The following NPHS1 variants were observed in gnomAD, a reference collection of about 807,000 sequenced individuals.
NPHS1 encodes nephrin.
A neutral mutation model predicts 139.7 loss-of-function variants in NPHS1; 107 were observed. That is an observed-to-expected ratio of 0.77 (90% CI 0.66 to 0.90). The LOEUF is 0.90. Ranked by LOEUF, NPHS1 falls within the 40% of genes least tolerant of loss-of-function variation. The probability of loss-of-function intolerance (pLI) is 0.00; values close to 1 mark genes in which losing one functional copy is unlikely to be tolerated. For missense variants in NPHS1, 1,580 were observed against 1,654.2 expected (o/e 0.96, Z 0.78); for synonymous variants, 707 against 706.6 (o/e 1.00, Z -0.01).
intron 1 of NPHS1, 36 bp downstream of exon 1, chr19:35,851,744 A>C (rs1198685363): frequency 6.4e-7 from 1 of 1,558,034 alleles, no homozygotes; most frequent in African/African-American, 1.4e-5. Context: ...AATGGGGGCC[A>C]CTTGGCGCTG....
rs1203179540 is a variant in NPHS1 at position 35,826,443 on chromosome 19, C to T, written c.*71G>A. On this transcript the variant is annotated 3_prime_UTR_variant, in exon 29 of 29. Transcript: ENST00000378910. The stretch of plus-strand genomic sequence containing the variant: ...TGGAGCTCACCTAACCAGCTCGGCC[C>T]AGGCTGTAATGAGAGAGACCAGTGG... 6.3e-7 allele frequency: 1 copy of T among 1,594,672 alleles called. No individual in the cohort carries two copies. The highest frequency in any genetic ancestry group is 1.3e-5 in the African/African-American group (1 of 74,482).
intron 28 of NPHS1, among the ~76,000 whole-genome samples, chr19:35,826,946 G>C (rs1210737904): frequency 6.6e-6 from 1 of 151,944 alleles, no homozygotes; most frequent in Admixed American, 6.6e-5. Flanking sequence ...GACCAGCCTG[G>C]GCAACATAGT....
In NPHS1 at chr19:35,846,072, G is replaced by T. The variant is rs752970477; in HGVS notation, c.1563C>A (p.Asp521Glu). ...RELVLVTGPS[D>E]NQAKFTCKAG... Reference sequence around the variant, plus strand: ...CCTTGCACGTGAACTTGGCCTGGTTGTCCGACGGCCCTGTGACCAGCACCA... The same window carrying T: ...CCTTGCACGTGAACTTGGCCTGGTTTTCCGACGGCCCTGTGACCAGCACCA... Residue 521 changes from aspartate (D) to glutamate (E), a missense_variant, in exon 12 of 29, where the codon GAC becomes GAA. Transcript: ENST00000378910. 11 of 1,595,646 alleles carry T rather than the reference G, an allele frequency of 6.9e-6. No homozygotes were observed. The highest frequency in any genetic ancestry group is 9.4e-6 in the Non-Finnish European group (11 of 1,171,508).
chr19:35,826,692 G>A, intron 28 of NPHS1, 47 bp from the exon 29 acceptor site: 1 of 1,610,336 alleles, frequency 6.2e-7, no homozygotes, highest in Non-Finnish European at 8.5e-7. Context: ...ATGCCCTGTA[G>A]GTCTTCATTG....
In NPHS1 at chr19:35,847,054, C is replaced by CT. The variant is rs796443472; in HGVS notation, c.1441-861dup. Among the ~76,000 whole-genome samples, 363 of 150,844 alleles carry CT rather than the reference C, an allele frequency of 2.4e-3. 1 individual carries two copies. The highest frequency in any genetic ancestry group is 7.5e-3 in the African/African-American group (306 of 40,910). On this transcript the variant is annotated intron_variant, in intron 11 of 28. Transcript: ENST00000378910. ...TCCAAATTTTCTTTTCTTTTCTTTT[C>CT]TTTTTTTTTGAGACGGAGTCTCCCT...
chr19:35,837,073 A>AGAAAGAAAGAAAGAAAGAAAG (rs765643414), intron 22 of NPHS1, among the ~76,000 whole-genome samples: 12 of 130,594 alleles, frequency 9.2e-5, no homozygotes, highest in East Asian at 6.8e-4. Flanking sequence ...AAAGAAAGAA[A>AGAAAGAAAGAAAGAAAGAAAG]AATAAACTGA....
intron 23 of NPHS1, among the ~76,000 whole-genome samples, chr19:35,833,183 CG>C (rs1020814386): frequency 1.6e-4 from 24 of 151,988 alleles, no homozygotes; most frequent in Non-Finnish European, 7.4e-5. Flanking sequence ...CGCGAGCCAC[CG>C]TGCCCAGCCT....
Position 35,830,936 on chromosome 19 carries a change from C to A in NPHS1, c.3502G>T (p.Asp1168Tyr). 1 of 1,613,810 alleles carries A rather than the reference C, an allele frequency of 6.2e-7. No individual in the cohort carries two copies. The highest frequency in any genetic ancestry group is 1.1e-5 in the South Asian group (1 of 91,078). Residue 1168 changes from aspartate to tyrosine, a missense_variant, in exon 28 of 29, where the codon GAT becomes TAT. Transcript: ENST00000378910. The part of the protein sequence containing the change: ...YSRGFTGEDE[D>Y]MAFPGHLYDE... Reference sequence around the variant, plus strand: ...TACAAGTGCCCAGGGAAGGCCATATCCTCATCTTCACCTGTGAAACCTGGA... The same window carrying A: ...TACAAGTGCCCAGGGAAGGCCATATACTCATCTTCACCTGTGAAACCTGGA...
chr19:35,846,001 C>T lies in NPHS1; in HGVS notation c.1627+7G>A, dbSNP rs1208794337. ...CGCCCCCGGGCCTCAGCAGTGCGAG[C>T]CCTCACACTGCACCGCCAGCTGCGT... On this transcript the variant is annotated splice_region_variant and intron_variant, in intron 12 of 28. Coordinates refer to ENST00000378910, the MANE Select transcript of NPHS1 (RefSeq NM_004646.4). 1.3e-6 allele frequency: 2 copies of T among 1,569,682 alleles called. No individual in the cohort carries two copies. The highest frequency in any genetic ancestry group is 1.9e-5 in the Admixed American group (1 of 53,554).
Position 35,826,438 on chromosome 19 carries a change from C to G in NPHS1, c.*76G>C. On this transcript the variant is annotated 3_prime_UTR_variant, in exon 29 of 29. Transcript: ENST00000378910. ...TTTTATGGAGCTCACCTAACCAGCT[C>G]GGCCCAGGCTGTAATGAGAGAGACC... The G allele has an allele frequency of 6.3e-7, 1 of 1,580,070 alleles. No homozygotes were observed. Among genetic ancestry groups the G allele is most frequent in the Non-Finnish European group, 8.7e-7 (1 of 1,151,236 alleles).
At chr19:35,848,215 A>G in intron 10 of NPHS1, 38 bp downstream of exon 10, 1 of 1,614,056 alleles carries the variant, frequency 6.2e-7, no homozygotes, top group Non-Finnish European at 8.5e-7. Flanking sequence ...CTGGGTCCTG[A>G]GGCTTGGGGG....
chr19:35,845,905 G>T lies in NPHS1; in HGVS notation c.1627+103C>A, dbSNP rs1039020252. Reference sequence around the variant, plus strand: ...CGCCCAGTCTCGGGTCCCCCACCCCGCCTCCGCCCGCTTTCCCCGGGTCCA... The same window carrying T: ...CGCCCAGTCTCGGGTCCCCCACCCCTCCTCCGCCCGCTTTCCCCGGGTCCA... On this transcript the variant is annotated intron_variant, in intron 12 of 28. Coordinates refer to ENST00000378910, the MANE Select transcript of NPHS1 (RefSeq NM_004646.4). This position sits in a 1 kb window ranked among gnomAD's most constrained non-coding sequence, Gnocchi z 5.5. 5.9e-6 allele frequency: 9 copies of T among 1,519,456 alleles called. No homozygotes were observed. The highest frequency in any genetic ancestry group is 8.0e-6 in the Non-Finnish European group (9 of 1,129,942). The allele number at this position is 1,519,456 out of a possible 1,614,324, so 94.1% of individuals were successfully genotyped here. A position where few individuals can be genotyped will look rare whatever the true frequency, so the allele number is the denominator to read the frequency against.
At chr19:35,847,188 G>T (rs550432464) in intron 11 of NPHS1, among the ~76,000 whole-genome samples, 2 of 151,758 alleles carry the variant, frequency 1.3e-5, no homozygotes, top group Non-Finnish European at 2.9e-5. Flanking sequence ...TGGGACTACA[G>T]GCACCTGCCA....
chr19:35,842,684 T>C (rs889814089), intron 17 of NPHS1, 134 bp from the exon 18 acceptor site: 21 of 848,184 alleles, frequency 2.5e-5, no homozygotes, highest in Non-Finnish European at 3.6e-5. Flanking sequence ...AAAAAAATTC[T>C]CCTGTCATCC....
In NPHS1 at chr19:35,845,695, G is replaced by A. The variant is rs752025751; in HGVS notation, c.1731C>T (p.Asn577=). Residue 577 remains asparagine, a synonymous_variant, in exon 13 of 29, where the codon AAC becomes AAT. Coordinates refer to ENST00000378910, the MANE Select transcript of NPHS1 (RefSeq NM_004646.4). This position sits in a 1 kb window ranked among gnomAD's most constrained non-coding sequence, Gnocchi z 5.5. ...CVSVSSNPPV[N]LSWDKEGERL... is the part of the protein sequence containing the mutation. ...TCTCCCCTTCCTTGTCCCAGGACAA[G>A]TTGACCGGCGGATTGCTGCTGACGC... 7 of 1,613,912 alleles carry A rather than the reference G, an allele frequency of 4.3e-6. No individual in the cohort carries two copies. Among genetic ancestry groups the A allele is most frequent in the Non-Finnish European group, 5.9e-6 (7 of 1,179,936 alleles).
At chr19:35,847,236 G>A (rs899492574) in intron 11 of NPHS1, among the ~76,000 whole-genome samples, 22 of 151,382 alleles carry the variant, frequency 1.5e-4, no homozygotes, top group African/African-American at 4.6e-4. Context: ...TAGTAGAGAC[G>A]GAGTTTCACC....
At chr19:35,830,818 A>G in intron 28 of NPHS1, 26 bp downstream of exon 28, 1 of 1,383,440 alleles carries the variant, frequency 7.2e-7, no homozygotes, top group Non-Finnish European at 1.0e-6. Context: ...GCCAGGAAGG[A>G]TGGTTGCTGA....
At position 35,831,372 on chromosome 19, in the gene NPHS1, C is replaced by T. The variant is rs786204729; in HGVS notation, c.3312-1G>A. On this transcript the variant is annotated splice_acceptor_variant, in intron 25 of 28. Transcript: ENST00000378910. LOFTEE classifies it high-confidence loss of function. ...GTTCCTGACTCGGTCCTCTTCCGAC[C>T]TTCCAGGATGAAGGTGTGGGGGGAA... 1.2e-6 allele frequency: 2 copies of T among 1,614,088 alleles called. No individual in the cohort carries two copies. The highest frequency in any genetic ancestry group is 1.6e-4 in the Middle Eastern group (1 of 6,062).
At chr19:35,848,204 G>A in intron 10 of NPHS1, 39 bp from the exon 11 acceptor site, 1 of 1,614,126 alleles carries the variant, frequency 6.2e-7, no homozygotes. Context: ...TTTTCTCTGT[G>A]CTGGGTCCTG....
Sources: allele counts gnomAD v4.1 joint callset (sites outside exome capture counted in the v4.1 genomes callset), GRCh38; gene constraint gnomAD v4.1.1; non-coding constraint Gnocchi (gnomAD v3.1); transcripts MANE v1.5; gene names NCBI Gene and HGNC (gene_info 2026-07-23, HGNC 2026-07-21).